PIP4K2A: variants seen among roughly 807,000 people sequenced by gnomAD.
The protein encoded by PIP4K2A is phosphatidylinositol 5-phosphate 4-kinase type-2 alpha.
PIP4K2A carries 14 observed loss-of-function variants against 42.9 expected under a neutral mutation model. The ratio of observed to expected loss-of-function variants is 0.33; its 90% CI spans 0.22 to 0.51. The LOEUF (loss-of-function observed/expected upper bound fraction) is 0.51, where lower values mean the gene tolerates loss of function less well. Ranked by LOEUF, PIP4K2A falls within the 20% of genes least tolerant of loss-of-function variation. The probability of loss-of-function intolerance (pLI) is 0.97; values close to 1 mark genes in which losing one functional copy is unlikely to be tolerated. For synonymous variants in PIP4K2A, 192 were observed against 192.2 expected, an observed-to-expected ratio of 1.00 and a Z score of 0.01; for missense variants, 434 against 519.8, an observed-to-expected ratio of 0.83 and a Z score of 1.61.
intron 1 of PIP4K2A, among the ~76,000 whole-genome samples, chr10:22,684,658 T>C (rs1839725945): frequency 6.6e-6 from 1 of 152,180 alleles, no homozygotes; most frequent in Non-Finnish European, 1.5e-5. Context: ...CTCCCTGGCA[T>C]CAAAACAATC....
chr10:22,658,576 T>G lies in PIP4K2A; in HGVS notation c.145-48859A>C, dbSNP rs148471427. Among the ~76,000 whole-genome samples, 281 of 152,356 alleles carry G rather than the reference T, an allele frequency of 1.8e-3. 3 individuals are homozygous for G. Among genetic ancestry groups the G allele is most frequent in the Middle Eastern group, 0.014 (4 of 294 alleles). On this transcript the variant is annotated intron_variant, in intron 1 of 9. Transcript: ENST00000376573. Reference sequence around the variant, plus strand: ...GAATTCAAGAACTGCAATTAGAAGCTATTCTATACCTGCTTTTTTAAAAAA... The same window carrying G: ...GAATTCAAGAACTGCAATTAGAAGCGATTCTATACCTGCTTTTTTAAAAAA...
rs1002492534 is a variant in PIP4K2A at position 22,674,415 on chromosome 10, CAAAAAAAAAAAA to C, written c.144+39756_144+39767del. Among the ~76,000 whole-genome samples, 6 of 61,132 alleles carry C rather than the reference CAAAAAAAAAAAA, an allele frequency of 9.8e-5. 1 individual carries two copies. Among genetic ancestry groups the C allele is most frequent in the Admixed American group, 4.4e-4 (2 of 4,562 alleles). 40.1% of individuals were successfully genotyped at this position (61,132 alleles called of 152,430 possible). ...AGACAAGAGACAAGACACTTGGGAG[CAAAAAAAAAAAA>C]AAAAAAAAAAAGAAGACCAGACCAG... On this transcript the variant is annotated intron_variant, in intron 1 of 9. Coordinates refer to ENST00000376573, the MANE Select transcript of PIP4K2A (RefSeq NM_005028.5).
intron 4 of PIP4K2A, among the ~76,000 whole-genome samples, chr10:22,588,082 C>G (rs1385706782): frequency 6.6e-6 from 1 of 152,216 alleles, no homozygotes; most frequent in African/African-American, 2.4e-5. Flanking sequence ...TTAAAAACCT[C>G]TTCTATGTGA....
At chr10:22,686,315 C>A (rs1455596313) in intron 1 of PIP4K2A, among the ~76,000 whole-genome samples, 3 of 152,218 alleles carry the variant, frequency 2.0e-5, no homozygotes, top group Non-Finnish European at 4.4e-5. Flanking sequence ...CTAAACCCCA[C>A]AAACCATTTG....
At position 22,539,920 on chromosome 10, in the gene PIP4K2A, A is replaced by AGAGAGAGG. The variant is rs1554792189; in HGVS notation, c.1140+50_1140+51insCCTCTCTC. The AGAGAGAGG allele has an allele frequency of 1.8e-4, 176 of 970,362 alleles. No individual in the cohort carries two copies. The African/African-American group carries it at 2.7e-3, about 15-fold the overall frequency. 60.1% of individuals were successfully genotyped at this position (970,362 alleles called of 1,614,324 possible). A position where few individuals can be genotyped will look rare whatever the true frequency, so the allele number is the denominator to read the frequency against. Reference sequence around the variant, plus strand: ...GAGAGAGAGAGAGAGAGGGAGAGAGAGAGAGAGAGAGGGAGAGAAAGAGAG... The same window carrying AGAGAGAGG: ...GAGAGAGAGAGAGAGAGGGAGAGAGAGAGAGAGGGAGAGAGAGAGGGAGAGAAAGAGAG... On this transcript the variant is annotated intron_variant, in intron 9 of 9. Coordinates refer to ENST00000376573, the MANE Select transcript of PIP4K2A (RefSeq NM_005028.5).
chr10:22,542,913 C>T (rs1836159683), intron 7 of PIP4K2A, among the ~76,000 whole-genome samples: 1 of 152,260 alleles, frequency 6.6e-6, no homozygotes, highest in East Asian at 1.9e-4. Flanking sequence ...GCACAGGATC[C>T]TGTTCCACTC....
intron 1 of PIP4K2A, among the ~76,000 whole-genome samples, chr10:22,623,569 G>C (rs972271680): frequency 1.4e-5 from 2 of 147,196 alleles, no homozygotes; most frequent in Admixed American, 1.3e-4. Context: ...TATTGGAAGG[G>C]AGGTACCCCC....
intron 8 of PIP4K2A, among the ~76,000 whole-genome samples, chr10:22,541,477 A>G (rs1038771159): frequency 6.6e-6 from 1 of 152,218 alleles, no homozygotes; most frequent in African/African-American, 2.4e-5. Flanking sequence ...GCATATGTAC[A>G]TGCATGTTGT....
chr10:22,539,912 GGAGA>G lies in PIP4K2A; in HGVS notation c.1140+55_1140+58del, dbSNP rs35358870. ...GAGAGAGAGAGAGAGAGAGAGAGAG[GGAGA>G]GAGAGAGAGAGAGAGGGAGAGAAAG... On this transcript the variant is annotated intron_variant, in intron 9 of 9. Transcript: ENST00000376573. The G allele has an allele frequency of 5.8e-3, 2,628 of 449,256 alleles. 36 individuals are homozygous for G. The highest frequency in any genetic ancestry group is 0.011 in the South Asian group (323 of 30,552). The allele number at this position is 449,256 out of a possible 1,614,324, so 27.8% of individuals were successfully genotyped here. A position where few individuals can be genotyped will look rare whatever the true frequency, so the allele number is the denominator to read the frequency against.
chr10:22,670,420 TGACA>T (rs147346445), intron 1 of PIP4K2A, among the ~76,000 whole-genome samples: 1 of 152,264 alleles, frequency 6.6e-6, no homozygotes, highest in African/African-American at 2.4e-5. Context: ...TCCACCTGAC[TGACA>T]AACTTCTTCC....
chr10:22,554,551 G>A (rs1056783301), intron 6 of PIP4K2A, among the ~76,000 whole-genome samples: 1 of 152,224 alleles, frequency 6.6e-6, no homozygotes, highest in African/African-American at 2.4e-5. Context: ...GCCAGAGGGT[G>A]GAAGAAACCC....
At position 22,684,670 on chromosome 10, in the gene PIP4K2A, CT is replaced by C. The variant is rs551707367; in HGVS notation, c.144+29512del. Among the ~76,000 whole-genome samples, 13 of 152,286 alleles carry C rather than the reference CT, an allele frequency of 8.5e-5. No individual in the cohort carries two copies. The East Asian group carries it at 2.5e-3, about 29-fold the overall frequency. On this transcript the variant is annotated intron_variant, in intron 1 of 9. Transcript: ENST00000376573. ...GAGCTCCCTGGCATCAAAACAATCCCTGGTCTATAGGATGCCACCCACTAAA... is the reference window on the plus strand; with the variant it reads ...GAGCTCCCTGGCATCAAAACAATCCCGGTCTATAGGATGCCACCCACTAAA...
At chr10:22,577,016 T>C (rs1333005307) in intron 4 of PIP4K2A, among the ~76,000 whole-genome samples, 2 of 143,950 alleles carry the variant, frequency 1.4e-5, no homozygotes, top group Non-Finnish European at 3.0e-5. Flanking sequence ...AGGCGGAGGC[T>C]GCAGTGAGCC....
intron 6 of PIP4K2A, among the ~76,000 whole-genome samples, chr10:22,558,054 T>A (rs1836596439): frequency 6.6e-6 from 1 of 152,274 alleles, no homozygotes; most frequent in African/African-American, 2.4e-5. Context: ...TTTGGCAACC[T>A]ATTTATTATT....
At chr10:22,687,671 C>T (rs911517360) in intron 1 of PIP4K2A, among the ~76,000 whole-genome samples, 2 of 152,082 alleles carry the variant, frequency 1.3e-5, no homozygotes, top group Non-Finnish European at 2.9e-5. Context: ...ACGATCAAGT[C>T]CCTGATACAA....
rs548108237 is a variant in PIP4K2A, at chr10:22,549,103, T to C, written c.792+1556A>G. On this transcript the variant is annotated intron_variant, in intron 7 of 9. Coordinates refer to ENST00000376573, the MANE Select transcript of PIP4K2A (RefSeq NM_005028.5). ...ACACCCTTCACAAATAACCAATATATAGGTTCTAATCCAAGTATGTATACT... is the reference window on the plus strand; with the variant it reads ...ACACCCTTCACAAATAACCAATATACAGGTTCTAATCCAAGTATGTATACT... Among the ~76,000 whole-genome samples, 10 of 152,274 alleles carry C rather than the reference T, an allele frequency of 6.6e-5. No homozygotes were observed. The South Asian group carries it at 2.1e-3, about 32-fold the overall frequency.
intron 7 of PIP4K2A, among the ~76,000 whole-genome samples, chr10:22,546,863 G>C (rs1363111428): frequency 6.6e-6 from 1 of 152,180 alleles, no homozygotes. Flanking sequence ...CTCACTGCAG[G>C]AAAACAGTAT....
At position 22,535,980 on chromosome 10, in the gene PIP4K2A, G is replaced by A. The variant is rs943805078; in HGVS notation, c.*1221C>T. The A allele has an allele frequency of 1.5e-4, 58 of 395,852 alleles. No individual in the cohort carries two copies. In the East Asian group the frequency reaches 1.9e-3, roughly 13 times the overall value. 24.5% of individuals were successfully genotyped at this position (395,852 alleles called of 1,614,324 possible). A position where few individuals can be genotyped will look rare whatever the true frequency, so the allele number is the denominator to read the frequency against. ...ACGTAAAAACATGGCTGCAGGATAC[G>A]TCTCAAAATATGACAAACGTTATTT... On this transcript the variant is annotated 3_prime_UTR_variant, in exon 10 of 10. Transcript: ENST00000376573.
rs1019803193 is a variant in PIP4K2A, at chr10:22,598,612, A to G, written c.340-6831T>C. Among the ~76,000 whole-genome samples the G allele has an allele frequency of 2.6e-5, 4 of 152,214 alleles. 1 individual carries two copies. Among genetic ancestry groups the G allele is most frequent in the Admixed American group, 2.6e-4 (4 of 15,284 alleles). On this transcript the variant is annotated intron_variant, in intron 3 of 9. Transcript: ENST00000376573. ...GATGACGACAAAACAGAATGGACCC[A>G]GGAAGCAGCCTCAGAGTGTCAGGGT... is the stretch of plus-strand genomic sequence containing the variant.
Sources: allele counts gnomAD v4.1 joint callset (sites outside exome capture counted in the v4.1 genomes callset), GRCh38; gene constraint gnomAD v4.1.1; transcripts MANE v1.5; gene names NCBI Gene and HGNC (gene_info 2026-07-23, HGNC 2026-07-21).